TMEM132B: variants seen among roughly 807,000 people sequenced by gnomAD.
TMEM132B encodes transmembrane protein 132B.
TMEM132B carries 18 observed loss-of-function variants against 90.8 expected under a neutral mutation model. The observed-to-expected ratio is 0.20, with a 90% CI of 0.14 to 0.29. The LOEUF is 0.29. Among genes scored for constraint, TMEM132B ranks in the 10% least tolerant of loss-of-function variants. The probability of loss-of-function intolerance (pLI) is 1.00; values close to 1 mark genes in which losing one functional copy is unlikely to be tolerated. For missense variants in TMEM132B, 1,096 were observed against 1,326.8 expected (o/e 0.83, Z 2.70); for synonymous variants, 504 against 523.3 (o/e 0.96, Z 0.50).
At chr12:125,196,310 C>T (rs1459435461) in intron 1 of TMEM132B, among the ~76,000 whole-genome samples, 1 of 152,216 alleles carries the variant, frequency 6.6e-6, no homozygotes, top group East Asian at 1.9e-4. Flanking sequence ...AACAGAACAA[C>T]AGAACTTCAT....
intron 1 of TMEM132B, among the ~76,000 whole-genome samples, chr12:125,200,022 G>T (rs1873019127): frequency 1.3e-5 from 2 of 152,146 alleles, no homozygotes; most frequent in South Asian, 4.1e-4. Context: ...ATGGATACCG[G>T]GCACAAAGTT....
At position 125,398,893 on chromosome 12, in the gene TMEM132B, T is replaced by G. The variant is rs575094257; in HGVS notation, c.960-16638T>G. ...CAGCCCAGGTGTTGTCTGGGCAGTG[T>G]TCTCATCTGGAGGCCCAACTGGTGA... On this transcript the variant is annotated intron_variant, in intron 2 of 8. Transcript: ENST00000682704. Among the ~76,000 whole-genome samples the G allele has an allele frequency of 1.3e-3, 195 of 152,286 alleles. 1 individual carries two copies. The highest frequency in any genetic ancestry group is 4.5e-3 in the African/African-American group (187 of 41,570).
intron 1 of TMEM132B, among the ~76,000 whole-genome samples, chr12:125,270,938 A>C (rs1366737106): frequency 2.0e-5 from 3 of 146,606 alleles, no homozygotes; most frequent in Non-Finnish European, 4.5e-5. Context: ...GGAACTTGGG[A>C]AACATAGTTG....
intron 6 of TMEM132B, 60 bp from the exon 7 acceptor site, chr12:125,650,623 G>A: frequency 6.4e-7 from 1 of 1,566,160 alleles, no homozygotes; most frequent in Non-Finnish European, 8.7e-7. Flanking sequence ...TGAAAAACAA[G>A]GGCATGCAGA....
At chr12:125,516,640 A>G (rs1883169549) in intron 3 of TMEM132B, among the ~76,000 whole-genome samples, 1 of 152,238 alleles carries the variant, frequency 6.6e-6, no homozygotes, top group Non-Finnish European at 1.5e-5. Context: ...CTTTGCCTAA[A>G]GACTGGCCAC....
At chr12:125,645,295 T>G (rs1886735662) in intron 6 of TMEM132B, among the ~76,000 whole-genome samples, 1 of 150,312 alleles carries the variant, frequency 6.7e-6, no homozygotes, top group African/African-American at 2.4e-5. Flanking sequence ...AATCTGGTAG[T>G]GCTGGGAGGG....
rs142597233 is a variant in TMEM132B, at chr12:125,521,171, T to C, written c.1293+1546T>C. Among the ~76,000 whole-genome samples the C allele has an allele frequency of 6.4e-3, 982 of 152,266 alleles. 9 individuals carry two copies. The highest frequency in any genetic ancestry group is 0.022 in the African/African-American group (911 of 41,540). On this transcript the variant is annotated intron_variant, in intron 4 of 8. Coordinates refer to ENST00000682704, the MANE Select transcript of TMEM132B (RefSeq NM_001366854.1). ...TCTGTAGCACTGCATTCACTGTGGG[T>C]TTGGAAGCTACCACTGCTGCCACCT...
intron 2 of TMEM132B, among the ~76,000 whole-genome samples, chr12:125,382,202 A>C (rs1050287479): frequency 6.6e-6 from 1 of 152,208 alleles, no homozygotes; most frequent in African/African-American, 2.4e-5. Context: ...AATCATTTCC[A>C]TGGTGCACCC....
At chr12:125,561,072 CAT>C (rs1461214720) in intron 4 of TMEM132B, among the ~76,000 whole-genome samples, 1 of 152,058 alleles carries the variant, frequency 6.6e-6, no homozygotes. Flanking sequence ...CACATGCACA[CAT>C]ATGTTTATTG....
At chr12:125,614,374 T>A (rs1885935753) in intron 5 of TMEM132B, among the ~76,000 whole-genome samples, 1 of 152,192 alleles carries the variant, frequency 6.6e-6, no homozygotes, top group African/African-American at 2.4e-5. Flanking sequence ...TGTTTACTTT[T>A]TGGTTCTTGT....
chr12:125,243,110 CATAT>C (rs199761706), intron 1 of TMEM132B, among the ~76,000 whole-genome samples: 3 of 138,864 alleles, frequency 2.2e-5, no homozygotes, highest in Admixed American at 7.4e-5. Context: ...TATATATACA[CATAT>C]ATATATATAC....
At chr12:125,310,687 T>A (rs975881630) in intron 1 of TMEM132B, among the ~76,000 whole-genome samples, 8 of 152,164 alleles carry the variant, frequency 5.3e-5, no homozygotes, top group African/African-American at 1.9e-4. Context: ...CTGGTTACCA[T>A]GGCAACCGTA....
chr12:125,426,758 C>G (rs1172691975), intron 3 of TMEM132B, among the ~76,000 whole-genome samples: 2 of 152,236 alleles, frequency 1.3e-5, no homozygotes, highest in Non-Finnish European at 2.9e-5. Context: ...CTCAGTAAAT[C>G]TAAGCAGTTG....
intron 3 of TMEM132B, among the ~76,000 whole-genome samples, chr12:125,452,219 T>G (rs1404310892): frequency 6.6e-6 from 1 of 152,210 alleles, no homozygotes; most frequent in African/African-American, 2.4e-5. Context: ...CTGCTGTAAG[T>G]CATATTTATA....
chr12:125,659,216 A>G lies in TMEM132B; in HGVS notation c.*4506A>G, dbSNP rs1887148807. On this transcript the variant is annotated 3_prime_UTR_variant, in exon 9 of 9. Transcript: ENST00000682704. The stretch of plus-strand genomic sequence containing the variant: ...GTTGCCAACGTATTTTACCTTGAAA[A>G]CATTTCTTATTTGTTATCCTAGTAG... The G allele has an allele frequency of 6.6e-6, 1 of 152,192 alleles. No individual in the cohort carries two copies. The highest frequency in any genetic ancestry group is 1.5e-5 in the Non-Finnish European group (1 of 68,026). 9.4% of individuals were successfully genotyped at this position (152,192 alleles called of 1,614,324 possible). A position where few individuals can be genotyped will look rare whatever the true frequency, so the allele number is the denominator to read the frequency against.
intron 5 of TMEM132B, among the ~76,000 whole-genome samples, chr12:125,630,962 G>A (rs74807943): frequency 6.6e-6 from 1 of 151,896 alleles, no homozygotes; most frequent in Non-Finnish European, 1.5e-5. Flanking sequence ...TTGATCTTTT[G>A]TATTGTTTTA....
chr12:125,338,307 A>G (rs894453118), intron 1 of TMEM132B, among the ~76,000 whole-genome samples: 2 of 152,096 alleles, frequency 1.3e-5, no homozygotes, highest in Non-Finnish European at 1.5e-5. Flanking sequence ...GTCTTCTCAC[A>G]TTGTGTCCTC....
chr12:125,335,980 C>T (rs1432585769), intron 1 of TMEM132B, among the ~76,000 whole-genome samples: 1 of 152,144 alleles, frequency 6.6e-6, no homozygotes, highest in Non-Finnish European at 1.5e-5. Flanking sequence ...GAGCAAGACT[C>T]CCCCTCAAAG....
chr12:125,414,568 G>A (rs1879954528), intron 2 of TMEM132B, among the ~76,000 whole-genome samples: 1 of 152,150 alleles, frequency 6.6e-6, no homozygotes, highest in Non-Finnish European at 1.5e-5. Context: ...GAAGCAGAGA[G>A]GAGCTGGTCA....
Sources: gnomAD v4.1 joint callset for allele counts (sites outside exome capture counted in the v4.1 genomes callset) on GRCh38, gnomAD v4.1.1 for gene constraint, MANE v1.5 for transcripts, NCBI Gene and HGNC (gene_info 2026-07-23, HGNC 2026-07-21) for gene names.